The following ANKHD1 variants were observed in gnomAD, a reference collection of about 807,000 sequenced individuals.
ANKHD1 encodes the protein ankyrin repeat and KH domain-containing protein 1.
ANKHD1 carries 31 observed loss-of-function variants against 230.5 expected under a neutral mutation model. The observed-to-expected ratio is 0.13, with a 90% CI of 0.10 to 0.18. ANKHD1 has a LOEUF of 0.18. ANKHD1 is among the 10% of genes least tolerant of loss of function. The pLI is 1.00. For synonymous variants in ANKHD1, 1,074 were observed against 1,117.6 expected, an observed-to-expected ratio of 0.96 and a Z score of 0.78; for missense variants, 2,256 against 3,071.3, an observed-to-expected ratio of 0.73 and a Z score of 6.27.
intron 10 of ANKHD1, among the ~76,000 whole-genome samples, chr5:140,467,621 G>A (rs1403478577): frequency 6.6e-6 from 1 of 152,128 alleles, no homozygotes; most frequent in Non-Finnish European, 1.5e-5. Flanking sequence ...AAAAGAAAAT[G>A]TGGAAAGTAT....
In ANKHD1 at chr5:140,402,154, G is replaced by A; in HGVS notation, c.187G>A (p.Gly63Ser). The change falls in exon 1 of 34, where the codon GGC becomes AGC. Residue 63 changes from glycine to serine, a missense_variant. Physicochemically the swap from Gly to Ser is moderately conservative, Grantham distance 56. Coordinates refer to ENST00000360839, the MANE Select transcript of ANKHD1 (RefSeq NM_017747.3). ...ASGVGSSGGG[G>S]SGSGTGGGDA... ...GGGAGTCGGCAGCAGCGGCGGCGGC[G>A]GCAGCGGCAGCGGTACGGGCGGAGG... 1 of 1,527,448 alleles carries A rather than the reference G, an allele frequency of 6.5e-7. No individual in the cohort carries two copies. 94.6% of individuals were successfully genotyped at this position (1,527,448 alleles called of 1,614,324 possible).
chr5:140,417,478 T>C (rs1364590852), intron 1 of ANKHD1, among the ~76,000 whole-genome samples: 1 of 152,002 alleles, frequency 6.6e-6, no homozygotes, highest in Non-Finnish European at 1.5e-5. Context: ...TTAAAGACAG[T>C]GTCTCTGTCA....
At chr5:140,532,782 G>A in intron 29 of ANKHD1, 1 of 427,432 alleles carries the variant, frequency 2.3e-6, no homozygotes, top group South Asian at 1.7e-5. Flanking sequence ...TCTACATTTA[G>A]GTCCCCAAAA....
intron 7 of ANKHD1, among the ~76,000 whole-genome samples, chr5:140,452,970 A>C (rs1019847139): frequency 1.2e-4 from 19 of 152,332 alleles, no homozygotes; most frequent in Non-Finnish European, 2.1e-4. Context: ...AAAACCTTGA[A>C]AAAAGATTAG....
Position 140,528,380 on chromosome 5 carries a change from C to T in ANKHD1, c.5434C>T (p.Pro1812Ser). 6.2e-7 allele frequency: 1 copy of T among 1,614,048 alleles called. No individual in the cohort carries two copies. The part of the protein sequence containing the change: ...SSKNAFPLGA[P>S]TLVTSQATTL... ...TAAAAATGCATTTCCTTTGGGTGCT[C>T]CAACTCTTGTAACTTCACAGGCAAC... Residue 1812 changes from proline to serine, a missense_variant, in exon 29 of 34, where the codon CCA becomes TCA. Around this residue, in one of 13 missense-constraint regions of ANKHD1, gnomAD observed 778 missense variants for 966.5 expected, o/e 0.80. Coordinates refer to ENST00000360839, the MANE Select transcript of ANKHD1 (RefSeq NM_017747.3).
chr5:140,441,262 G>A, intron 5 of ANKHD1, 120 bp downstream of exon 5: 2 of 1,279,550 alleles, frequency 1.6e-6, no homozygotes, highest in Non-Finnish European at 2.0e-6. Context: ...CTTAGCCCTT[G>A]TGTAGAATCT....
At chr5:140,442,036 T>A (rs935650319) in intron 5 of ANKHD1, among the ~76,000 whole-genome samples, 1 of 136,748 alleles carries the variant, frequency 7.3e-6, no homozygotes. Context: ...AGATATTCTT[T>A]TTTTTTTTTT....
chr5:140,436,579 T>G (rs1773460916), intron 2 of ANKHD1, among the ~76,000 whole-genome samples: 1 of 152,026 alleles, frequency 6.6e-6, no homozygotes, highest in South Asian at 2.1e-4. Context: ...ACCCTGTCTC[T>G]ACTAAAATAG....
Position 140,496,686 on chromosome 5 carries a change from G to T in ANKHD1, c.2412G>T (p.Leu804=), listed in dbSNP as rs1752057454. 6.2e-7 allele frequency: 1 copy of T among 1,613,696 alleles called. No homozygotes were observed. The highest frequency in any genetic ancestry group is 1.3e-5 in the African/African-American group (1 of 74,826). Residue 804 remains leucine, a synonymous_variant, in exon 15 of 34, where the codon CTG becomes CTT. Transcript: ENST00000360839. The part of the protein sequence containing the change: ...SAIEKAQLKS[L]ELIQGEPLNK... ...TTGAAAAAGCACAGCTTAAGTCACT[G>T]GAGTTAATTCAAGGTGAACCTCTGA...
chr5:140,402,356 C>A, intron 1 of ANKHD1, 83 bp downstream of exon 1: 2 of 1,374,242 alleles, frequency 1.5e-6, no homozygotes, highest in Non-Finnish European at 1.9e-6. Context: ...GCCATCCTCC[C>A]GCTTCCCTGG....
At chr5:140,512,097 G>C (rs557342138) in intron 22 of ANKHD1, among the ~76,000 whole-genome samples, 1 of 152,048 alleles carries the variant, frequency 6.6e-6, no homozygotes, top group African/African-American at 2.4e-5. Context: ...TTAGCCAGGC[G>C]TGATGGTAGG....
At chr5:140,429,573 T>G (rs909245075) in intron 1 of ANKHD1, among the ~76,000 whole-genome samples, 1 of 151,944 alleles carries the variant, frequency 6.6e-6, no homozygotes, top group Non-Finnish European at 1.5e-5. Flanking sequence ...GCTGGTGTTC[T>G]TTTTTTTGTT....
chr5:140,499,314 G>A (rs1752172287), intron 15 of ANKHD1, among the ~76,000 whole-genome samples: 1 of 152,058 alleles, frequency 6.6e-6, no homozygotes, highest in Admixed American at 6.6e-5. Flanking sequence ...AATACCTAAT[G>A]CTGTAATTGT....
At chr5:140,450,530 G>C (rs549522931) in intron 7 of ANKHD1, among the ~76,000 whole-genome samples, 1 of 148,000 alleles carries the variant, frequency 6.8e-6, no homozygotes, top group South Asian at 2.1e-4. Flanking sequence ...TTTTCTATTG[G>C]TCTCTCTCTC....
intron 10 of ANKHD1, among the ~76,000 whole-genome samples, chr5:140,477,439 T>C (rs977943901): frequency 6.6e-6 from 1 of 152,216 alleles, no homozygotes; most frequent in Non-Finnish European, 1.5e-5. Flanking sequence ...TATATTCTTT[T>C]CCAATACATG....
rs185415561 is a variant in ANKHD1 at position 140,417,336 on chromosome 5, A to G, written c.306+15063A>G. Among the ~76,000 whole-genome samples, 126 of 152,064 alleles carry G rather than the reference A, an allele frequency of 8.3e-4. 1 individual carries two copies. The highest frequency in any genetic ancestry group is 2.8e-3 in the African/African-American group (116 of 41,548). On this transcript the variant is annotated intron_variant, in intron 1 of 33. Transcript: ENST00000360839. ...AGTTATCATTATGACAAAGGAGCAA[A>G]TCCCAAAAGGGACAGTAGTGGATAC...
chr5:140,425,142 A>C (rs948583022), intron 1 of ANKHD1, among the ~76,000 whole-genome samples: 1 of 152,214 alleles, frequency 6.6e-6, no homozygotes, highest in African/African-American at 2.4e-5. Context: ...TTTGTGTTCG[A>C]GCAAAGTGGG....
chr5:140,413,754 T>G (rs1388999010), intron 1 of ANKHD1, among the ~76,000 whole-genome samples: 1 of 152,100 alleles, frequency 6.6e-6, no homozygotes, highest in African/African-American at 2.4e-5. Context: ...CTATATTTTA[T>G]TTATCTGTTC....
chr5:140,405,688 A>G (rs1055338768), intron 1 of ANKHD1, among the ~76,000 whole-genome samples: 4 of 152,094 alleles, frequency 2.6e-5, no homozygotes, highest in Non-Finnish European at 5.9e-5. Context: ...GCTGGAGTGC[A>G]GTGGCACGAT....
Sources: gnomAD v4.1 joint callset for allele counts (sites outside exome capture counted in the v4.1 genomes callset) on GRCh38, gnomAD v4.1.1 for gene constraint, gnomAD v4.1.1 regional missense constraint, MANE v1.5 for transcripts, NCBI Gene and HGNC (gene_info 2026-07-23, HGNC 2026-07-21) for gene names.